Variants in TBX4 observed in about 807,000 individuals in gnomAD.
The protein encoded by TBX4 is T-box transcription factor TBX4.
TBX4 carries 13 observed loss-of-function variants against 54.6 expected under a neutral mutation model. That is an observed-to-expected ratio of 0.24 (90% confidence interval 0.15 to 0.38). TBX4 has a LOEUF of 0.38. TBX4 is among the 10% of genes least tolerant of loss of function. The pLI is 1.00. For missense variants in TBX4, 631 were observed against 728.5 expected (o/e 0.87, Z 1.54); for synonymous variants, 314 against 306.7 (o/e 1.02, Z -0.25).
intron 5 of TBX4, among the ~76,000 whole-genome samples, chr17:61,468,510 G>A (rs1439575276): frequency 6.6e-6 from 1 of 152,190 alleles, no homozygotes; most frequent in African/African-American, 2.4e-5. Flanking sequence ...TTGGGGTTAC[G>A]AGATGTGCAG....
chr17:61,477,941 C>CAAAAAAAAAAAAAAAAAGAAAAA (rs2060633020), intron 5 of TBX4, among the ~76,000 whole-genome samples: 1 of 88,668 alleles, frequency 1.1e-5, no homozygotes, highest in Non-Finnish European at 2.3e-5. Context: ...GATTCCATCT[C>CAAAAAAAAAAAAAAAAAGAAAAA]AAAAAAAAAA....
At chr17:61,482,136 C>A (rs1222055664) in intron 8 of TBX4, among the ~76,000 whole-genome samples, 2 of 152,158 alleles carry the variant, frequency 1.3e-5, no homozygotes, top group African/African-American at 4.8e-5. Context: ...AGCCCTGGAT[C>A]CCAGGGGAGG....
intron 4 of TBX4, 76 bp downstream of exon 4, chr17:61,466,014 G>T: frequency 6.2e-7 from 1 of 1,600,234 alleles, no homozygotes; most frequent in Non-Finnish European, 8.5e-7. Context: ...TGTTTTGTCC[G>T]GGGGATTTCT....
chr17:61,474,743 A>G lies in TBX4; in HGVS notation c.550-3884A>G, dbSNP rs1319608529. On this transcript the variant is annotated intron_variant, in intron 5 of 8. Coordinates refer to ENST00000644296, the MANE Select transcript of TBX4 (RefSeq NM_001321120.2). This position sits in a 1 kb window ranked among gnomAD's most constrained non-coding sequence, Gnocchi z 4.6. ...GCCCCATATCCTCTGCAGCAAATAT[A>G]AATGTGAAACTCTGGCAAAGTAGTT... is the stretch of plus-strand genomic sequence containing the variant. Among the ~76,000 whole-genome samples the G allele has an allele frequency of 6.6e-6, 1 of 152,228 alleles. No homozygotes were observed. Among genetic ancestry groups the G allele is most frequent in the Non-Finnish European group, 1.5e-5 (1 of 68,046 alleles).
intron 1 of TBX4, among the ~76,000 whole-genome samples, chr17:61,455,892 G>T (rs924791583): frequency 6.6e-6 from 1 of 152,212 alleles, no homozygotes; most frequent in African/African-American, 2.4e-5. Flanking sequence ...GAGTGTGTTG[G>T]AGTGAAAGCC....
chr17:61,478,841 C>A lies in TBX4; in HGVS notation c.702+62C>A. On this transcript the variant is annotated intron_variant, in intron 6 of 8. Coordinates refer to ENST00000644296, the MANE Select transcript of TBX4 (RefSeq NM_001321120.2). The surrounding 1 kb of genome is among the most constrained non-coding windows in gnomAD (Gnocchi z 7.4). ...AACACCACCCTGCGTTCTCTTCCAC[C>A]AGGCAGAGAGGCAGAGTGTGAAGCC... is the stretch of plus-strand genomic sequence containing the variant. The A allele has an allele frequency of 6.2e-7, 1 of 1,611,136 alleles. No homozygotes were observed. Among genetic ancestry groups the A allele is most frequent in the Non-Finnish European group, 8.5e-7 (1 of 1,177,390 alleles).
intron 2 of TBX4, among the ~76,000 whole-genome samples, chr17:61,456,931 AAG>A (rs2060454924): frequency 6.6e-6 from 1 of 152,138 alleles, no homozygotes; most frequent in Admixed American, 6.5e-5. Flanking sequence ...AGAGGGCGGT[AAG>A]AGAGAGGGAG....
rs1372720067 is a variant in TBX4 at position 61,462,163 on chromosome 17, A to T, written c.282-3656A>T. Among the ~76,000 whole-genome samples, 1 of 152,166 alleles carries T rather than the reference A, an allele frequency of 6.6e-6. No individual in the cohort carries two copies. On this transcript the variant is annotated intron_variant, in intron 3 of 8. Coordinates refer to ENST00000644296, the MANE Select transcript of TBX4 (RefSeq NM_001321120.2). This position sits in a 1 kb window ranked among gnomAD's most constrained non-coding sequence, Gnocchi z 4.5. Reference sequence around the variant, plus strand: ...TCCAACACCGAGAAACGTCCGAGGAAGCTTATCTTAGCAGTTCATTCTAAA... The same window carrying T: ...TCCAACACCGAGAAACGTCCGAGGATGCTTATCTTAGCAGTTCATTCTAAA...
chr17:61,483,637 T>TGC lies in TBX4; in HGVS notation c.*122_*123insCG, dbSNP rs1431921204. 1.8e-4 allele frequency: 208 copies of TGC among 1,139,724 alleles called. No individual in the cohort carries two copies. In the East Asian group the frequency reaches 5.0e-3, roughly 28 times the overall value. The allele number at this position is 1,139,724 out of a possible 1,614,324, so 70.6% of individuals were successfully genotyped here. A position where few individuals can be genotyped will look rare whatever the true frequency, so the allele number is the denominator to read the frequency against. On this transcript the variant is annotated 3_prime_UTR_variant, in exon 9 of 9. Coordinates refer to ENST00000644296, the MANE Select transcript of TBX4 (RefSeq NM_001321120.2). This position sits in a 1 kb window ranked among gnomAD's most constrained non-coding sequence, Gnocchi z 6.6. ...CAGTGTGTGTGTGTGTGTGTGTGTGTGTGTGTGTGTGTGTGTATACACGAG... is the reference window on the plus strand; with the variant it reads ...CAGTGTGTGTGTGTGTGTGTGTGTGTGCGTGTGTGTGTGTGTGTATACACGAG...
chr17:61,461,641 G>A lies in TBX4; in HGVS notation c.281+4010G>A, dbSNP rs999734201. The stretch of plus-strand genomic sequence containing the variant: ...CTACAGAAGAGTCCACAGGTCTTAA[G>A]GGTGCAGCTTTACAGACTTGCACAA... On this transcript the variant is annotated intron_variant, in intron 3 of 8. Transcript: ENST00000644296. This position sits in a 1 kb window ranked among gnomAD's most constrained non-coding sequence, Gnocchi z 5.1. 1.3e-5 allele frequency among the ~76,000 whole-genome samples: 2 copies of A among 152,154 alleles called. No individual in the cohort carries two copies. Among genetic ancestry groups the A allele is most frequent in the Non-Finnish European group, 2.9e-5 (2 of 68,030 alleles).
At chr17:61,454,453 C>G (rs537338653) in intron 1 of TBX4, among the ~76,000 whole-genome samples, 33 of 152,240 alleles carry the variant, frequency 2.2e-4, no homozygotes, top group Non-Finnish European at 4.3e-4. Context: ...AGTGCGGGAC[C>G]CCGCGGTGCT....
chr17:61,482,903 G>A lies in TBX4; in HGVS notation c.1028G>A (p.Gly343Asp), dbSNP rs1411306986. ...ATGTTACTTTGTCTTTCAGCAGACG[G>A]TACCCGCCACCTGGACTTACCTTGC... The part of the protein sequence containing the change: ...FYHCLKRRAD[G>D]TRHLDLPCKR... Residue 343 changes from glycine to aspartate, a missense_variant, in exon 9 of 9, where the codon GGT (glycine) becomes GAT (aspartate). Transcript: ENST00000644296. 6.2e-7 allele frequency: 1 copy of A among 1,613,578 alleles called. No homozygotes were observed. Among genetic ancestry groups the A allele is most frequent in the Non-Finnish European group, 8.5e-7 (1 of 1,179,842 alleles).
chr17:61,477,537 C>T (rs1344058833), intron 5 of TBX4, among the ~76,000 whole-genome samples: 2 of 152,222 alleles, frequency 1.3e-5, no homozygotes, highest in African/African-American at 2.4e-5. Flanking sequence ...GCACCTTGAA[C>T]GCTTGAAGAG....
rs2060650392 is a variant in TBX4, at chr17:61,479,829, A to G, written c.703-52A>G. The G allele has an allele frequency of 1.9e-6, 3 of 1,563,198 alleles. No individual in the cohort carries two copies. Among genetic ancestry groups the G allele is most frequent in the Non-Finnish European group, 2.6e-6 (3 of 1,133,700 alleles). On this transcript the variant is annotated intron_variant, in intron 6 of 8. Coordinates refer to ENST00000644296, the MANE Select transcript of TBX4 (RefSeq NM_001321120.2). The surrounding 1 kb of genome is among the most constrained non-coding windows in gnomAD (Gnocchi z 6.1). ...ATCCCATTTACAAATGTGGAAACTG[A>G]GACACATTTGTGTGCCTCACACTGG... is the stretch of plus-strand genomic sequence containing the variant.
rs2060690414 is a variant in TBX4, at chr17:61,484,668, T to C, written c.*1152T>C. ...ATTGAATACCACCAGGCCATCAGTG[T>C]GGCTGGGGTGAACTCTCCATCAAAC... On this transcript the variant is annotated 3_prime_UTR_variant, in exon 9 of 9. Coordinates refer to ENST00000644296, the MANE Select transcript of TBX4 (RefSeq NM_001321120.2). The surrounding 1 kb of genome is among the most constrained non-coding windows in gnomAD (Gnocchi z 4.1). The C allele has an allele frequency of 6.6e-6, 1 of 151,934 alleles. No homozygotes were observed. The highest frequency in any genetic ancestry group is 2.4e-5 in the African/African-American group (1 of 41,356). The allele number at this position is 151,934 out of a possible 1,614,324, so 9.4% of individuals were successfully genotyped here.
chr17:61,472,700 T>G lies in TBX4; in HGVS notation c.549+5043T>G, dbSNP rs1259857216. 6.6e-6 allele frequency among the ~76,000 whole-genome samples: 1 copy of G among 152,226 alleles called. No homozygotes were observed. The highest frequency in any genetic ancestry group is 1.5e-5 in the Non-Finnish European group (1 of 68,040). On this transcript the variant is annotated intron_variant, in intron 5 of 8. Transcript: ENST00000644296. The surrounding 1 kb of genome is among the most constrained non-coding windows in gnomAD (Gnocchi z 4.5). ...CCCCCTCCTTACTTATAAGGGACTT[T>G]TCTTTTAGTATTTTATGGATTTATT...
chr17:61,455,865 G>C lies in TBX4; in HGVS notation c.-3-623G>C, dbSNP rs190892240. On this transcript the variant is annotated intron_variant, in intron 1 of 8. Transcript: ENST00000644296. Reference sequence around the variant, plus strand: ...GGATGTCTGTGCCAGAACGGGAAGAGGATGTGTGTGGACGGGGAGTGTGTT... The same window carrying C: ...GGATGTCTGTGCCAGAACGGGAAGACGATGTGTGTGGACGGGGAGTGTGTT... Among the ~76,000 whole-genome samples the C allele has an allele frequency of 2.0e-3, 299 of 152,348 alleles. 1 individual carries two copies. The highest frequency in any genetic ancestry group is 6.8e-3 in the African/African-American group (281 of 41,580).
At chr17:61,456,823 C>T in intron 2 of TBX4, 147 bp downstream of exon 2, 1 of 557,002 alleles carries the variant, frequency 1.8e-6, no homozygotes, top group Admixed American at 4.6e-5. Context: ...TCGTTCTCCA[C>T]TGGACATGGC....
Position 61,456,581 on chromosome 17 carries a change from G to A in TBX4, c.91G>A (p.Glu31Lys), listed in dbSNP as rs1354010581. The A allele has an allele frequency of 2.0e-6, 3 of 1,535,462 alleles. No homozygotes were observed. Among genetic ancestry groups the A allele is most frequent in the Admixed American group, 2.0e-5 (1 of 50,130 alleles). Reference sequence around the variant, plus strand: ...AGAGGCCAGCGCAGCCAACGCCCCCGAGCCCGCGCTGGCAGCGCCGGGCCT... The same window carrying A: ...AGAGGCCAGCGCAGCCAACGCCCCCAAGCCCGCGCTGGCAGCGCCGGGCCT... ...LGEASAANAP[E>K]PALAAPGLSG... Residue 31 changes from glutamate (E) to lysine (K), a missense_variant, in exon 2 of 9, where the codon GAG becomes AAG. Glu to Lys is a moderately conservative substitution (Grantham distance 56). Coordinates refer to ENST00000644296, the MANE Select transcript of TBX4 (RefSeq NM_001321120.2).
Sources: allele counts gnomAD v4.1 joint callset (sites outside exome capture counted in the v4.1 genomes callset), GRCh38; gene constraint gnomAD v4.1.1; non-coding constraint Gnocchi (gnomAD v3.1); transcripts MANE v1.5; gene names NCBI Gene and HGNC (gene_info 2026-07-23, HGNC 2026-07-21).